SLCO3A1: variants seen among roughly 807,000 people sequenced by gnomAD.
SLCO3A1 encodes solute carrier organic anion transporter family member 3A1.
In SLCO3A1, 27 loss-of-function variants were observed where a neutral mutation model predicts 63.1. That is an observed-to-expected ratio of 0.43 (90% confidence interval 0.32 to 0.59). The LOEUF (loss-of-function observed/expected upper bound fraction) is 0.59. Among genes scored for constraint, SLCO3A1 ranks in the 20% least tolerant of loss-of-function variants. The pLI, the probability that SLCO3A1 is intolerant of heterozygous loss-of-function variation, is 0.09. For missense variants in SLCO3A1, 773 were observed against 945.8 expected (o/e 0.82, Z 2.40); for synonymous variants, 473 against 409.9 (o/e 1.15, Z -1.86).
At chr15:92,013,030 C>T (rs1356471630) in intron 2 of SLCO3A1, among the ~76,000 whole-genome samples, 1 of 152,168 alleles carries the variant, frequency 6.6e-6, no homozygotes, top group Non-Finnish European at 1.5e-5. Flanking sequence ...GCCAGTGGCC[C>T]CACAGTTCTG....
chr15:91,975,290 A>T (rs1901057585), intron 2 of SLCO3A1, among the ~76,000 whole-genome samples: 1 of 152,156 alleles, frequency 6.6e-6, no homozygotes, highest in African/African-American at 2.4e-5. Flanking sequence ...CTTTGCCTGG[A>T]GCTGGCATGA....
chr15:92,013,276 TA>T (rs1326077565), intron 2 of SLCO3A1, among the ~76,000 whole-genome samples: 1 of 152,232 alleles, frequency 6.6e-6, no homozygotes, highest in Non-Finnish European at 1.5e-5. Context: ...TTGATATTGG[TA>T]TCTCATTTCG....
At chr15:92,095,074 A>G (rs968235963) in intron 3 of SLCO3A1, 95 bp downstream of exon 3, 11 of 839,602 alleles carry the variant, frequency 1.3e-5, no homozygotes, top group Non-Finnish European at 2.0e-5. Context: ...CCTTCTTGCT[A>G]AGAGACAGTC....
rs77162607 is a variant in SLCO3A1 at position 91,863,678 on chromosome 15, C to T, written c.180+9590C>T. The stretch of plus-strand genomic sequence containing the variant: ...TAGGAAAGGAGCATATTTTTTTGGC[C>T]GGAGTGATGATTGAGGAGAAGAAAC... On this transcript the variant is annotated intron_variant, in intron 1 of 9. Transcript: ENST00000318445. This position sits in a 1 kb window ranked among gnomAD's most constrained non-coding sequence, Gnocchi z 4.3. Among the ~76,000 whole-genome samples the T allele has an allele frequency of 3.9e-5, 6 of 152,020 alleles. No homozygotes were observed. In the South Asian group the frequency reaches 6.2e-4, roughly 16 times the overall value.
chr15:92,059,229 G>A (rs986017167), intron 2 of SLCO3A1, among the ~76,000 whole-genome samples: 9 of 152,200 alleles, frequency 5.9e-5, no homozygotes, highest in Admixed American at 2.0e-4. Flanking sequence ...AAAGGCCAAA[G>A]CCAGCGTGCT....
At chr15:92,067,595 A>G (rs916127421) in intron 2 of SLCO3A1, among the ~76,000 whole-genome samples, 8 of 152,332 alleles carry the variant, frequency 5.3e-5, no homozygotes, top group East Asian at 3.9e-4. Context: ...AGTGTTATCA[A>G]TTGGGTCATT....
chr15:91,961,413 G>A (rs933151488), intron 2 of SLCO3A1, among the ~76,000 whole-genome samples: 4 of 152,232 alleles, frequency 2.6e-5, no homozygotes, highest in African/African-American at 9.6e-5. Flanking sequence ...GAAGGAGAGG[G>A]AAGAATGGTG....
intron 7 of SLCO3A1, among the ~76,000 whole-genome samples, chr15:92,132,897 A>C (rs1373967233): frequency 6.9e-6 from 1 of 145,804 alleles, no homozygotes; most frequent in Non-Finnish European, 1.5e-5. Flanking sequence ...CTTTTAAAAC[A>C]TGAGGCCCCA....
chr15:91,874,427 C>G (rs1179075933), intron 1 of SLCO3A1, among the ~76,000 whole-genome samples: 1 of 152,210 alleles, frequency 6.6e-6, no homozygotes, highest in African/African-American at 2.4e-5. Flanking sequence ...CCCCTTCCCC[C>G]AGCCCTGGCC....
chr15:92,124,334 G>A (rs1029405947), intron 5 of SLCO3A1, among the ~76,000 whole-genome samples: 1 of 152,180 alleles, frequency 6.6e-6, no homozygotes, highest in African/African-American at 2.4e-5. Flanking sequence ...ATCAGGGAGG[G>A]AGGGGGCCTG....
chr15:92,017,275 G>A (rs536774088), intron 2 of SLCO3A1, among the ~76,000 whole-genome samples: 1 of 148,980 alleles, frequency 6.7e-6, no homozygotes, highest in East Asian at 1.9e-4. Context: ...TGAGTTGGAG[G>A]AGCTGGGATT....
intron 4 of SLCO3A1, among the ~76,000 whole-genome samples, chr15:92,115,815 CAAAAAAAAA>C (rs765666191): frequency 2.3e-4 from 20 of 86,720 alleles, no homozygotes; most frequent in South Asian, 1.7e-3. Context: ...TCTCTTCCCT[CAAAAAAAAA>C]AAAAAAAAAA....
chr15:92,090,095 A>G (rs556252628), intron 2 of SLCO3A1, among the ~76,000 whole-genome samples: 3 of 152,200 alleles, frequency 2.0e-5, no homozygotes, highest in Non-Finnish European at 4.4e-5. Context: ...CCTGTTGGCA[A>G]CTGCACAGTT....
At chr15:91,934,221 A>C (rs1231517543) in intron 2 of SLCO3A1, among the ~76,000 whole-genome samples, 1 of 152,162 alleles carries the variant, frequency 6.6e-6, no homozygotes, top group Non-Finnish European at 1.5e-5. Flanking sequence ...TGAGTGTTAC[A>C]GGAGAGGAAT....
Position 91,967,054 on chromosome 15 carries a change from A to C in SLCO3A1, c.646+50596A>C, listed in dbSNP as rs1386596374. On this transcript the variant is annotated intron_variant, in intron 2 of 9. Transcript: ENST00000318445. This position sits in a 1 kb window ranked among gnomAD's most constrained non-coding sequence, Gnocchi z 4.4. ...TTGTATTTTTGAACTCTGCTTTCAG[A>C]TAACTTTATAAAGGGCTTTAAAACT... 6.6e-6 allele frequency among the ~76,000 whole-genome samples: 1 copy of C among 152,110 alleles called. No homozygotes were observed. The highest frequency in any genetic ancestry group is 1.5e-5 in the Non-Finnish European group (1 of 68,012).
At chr15:91,855,029 AT>A (rs1250915156) in intron 1 of SLCO3A1, among the ~76,000 whole-genome samples, 2 of 152,086 alleles carry the variant, frequency 1.3e-5, no homozygotes, top group South Asian at 2.1e-4. Context: ...TAAACGGGAA[AT>A]TTTTTTTGAG....
chr15:91,956,107 C>A (rs1016952273), intron 2 of SLCO3A1, among the ~76,000 whole-genome samples: 1 of 152,088 alleles, frequency 6.6e-6, no homozygotes, highest in Admixed American at 6.5e-5. Context: ...CCTGGGCGTG[C>A]ACTGGGGTCA....
chr15:92,133,238 C>T (rs757815166), intron 7 of SLCO3A1, among the ~76,000 whole-genome samples: 1 of 146,556 alleles, frequency 6.8e-6, no homozygotes, highest in East Asian at 1.9e-4. Context: ...GAAGAACCAC[C>T]GCTGTCATAG....
intron 1 of SLCO3A1, among the ~76,000 whole-genome samples, chr15:91,881,480 A>C (rs970616053): frequency 6.6e-6 from 1 of 151,982 alleles, no homozygotes; most frequent in African/African-American, 2.4e-5. Context: ...GATAAAGAAA[A>C]ATGTTTTTTT....
Sources: gnomAD v4.1 joint callset for allele counts (sites outside exome capture counted in the v4.1 genomes callset) on GRCh38, gnomAD v4.1.1 for gene constraint, Gnocchi (gnomAD v3.1) non-coding constraint, MANE v1.5 for transcripts, NCBI Gene and HGNC (gene_info 2026-07-23, HGNC 2026-07-21) for gene names.